Variants in IKBIP observed in about 807,000 individuals in gnomAD.
The protein encoded by IKBIP is inhibitor of nuclear factor kappa-B kinase-interacting protein.
A neutral mutation model predicts 31.0 loss-of-function variants in IKBIP; 28 were observed. The ratio of observed to expected loss-of-function variants is 0.90; its 90% CI spans 0.67 to 1.24. The LOEUF is 1.24. IKBIP is among the 50% of genes most tolerant of loss of function. The pLI, the probability that IKBIP is intolerant of heterozygous loss-of-function variation, is 0.00. For missense variants in IKBIP, 453 were observed against 441.9 expected, an observed-to-expected ratio of 1.03 and a Z score of -0.23; for synonymous variants, 164 against 160.3, an observed-to-expected ratio of 1.02 and a Z score of -0.17.
At chr12:98,614,213 A>T (rs773666287) in exon 3 of IKBIP, 10 of 1,613,788 alleles carry the variant, frequency 6.2e-6, no homozygotes. Flanking sequence ...GTTGTTCAGT[A>T]TATCCTGTTT....
intron 2 of IKBIP, among the ~76,000 whole-genome samples, chr12:98,618,352 C>T (rs1013523000): frequency 1.2e-4 from 18 of 152,086 alleles, no homozygotes; most frequent in East Asian, 3.9e-4. Context: ...TGAGGCCAGG[C>T]GCGGTGGCTC....
exon 3 of IKBIP, chr12:98,613,817 A>G (rs1489311281): frequency 8.7e-6 from 14 of 1,610,288 alleles, no homozygotes; most frequent in Non-Finnish European, 1.2e-5. Context: ...TGCAAAAGTC[A>G]CTGTCTTCAG....
intron 2 of IKBIP, among the ~76,000 whole-genome samples, chr12:98,618,580 T>A (rs1006554012): frequency 1.3e-5 from 2 of 150,900 alleles, no homozygotes; most frequent in Admixed American, 1.3e-4. Context: ...GAGCCGAGAT[T>A]GTGCCACTGC....
intron 2 of IKBIP, among the ~76,000 whole-genome samples, chr12:98,614,658 C>A (rs1327606828): frequency 6.6e-6 from 1 of 152,050 alleles, no homozygotes; most frequent in African/African-American, 2.4e-5. Flanking sequence ...ATCTCCTGAC[C>A]TCTGGTTATC....
chr12:98,624,032 T>C (rs144214357), downstream of IKBIP, among the ~76,000 whole-genome samples: 46 of 151,334 alleles, frequency 3.0e-4, 3 homozygotes, highest in African/African-American at 1.1e-3. Context: ...CTTGTAGAAG[T>C]GCAGTTTTCT....
chr12:98,624,119 A>G (rs1225381178), downstream of IKBIP: 1 of 218,292 alleles, frequency 4.6e-6, no homozygotes, highest in East Asian at 1.8e-4. Flanking sequence ...ACCATGGTAT[A>G]TATAAGTTCA....
rs756411815 is a variant in IKBIP, at chr12:98,625,068, T to A, written c.*862A>T. 141 of 899,434 alleles carry A rather than the reference T, an allele frequency of 1.6e-4. No homozygotes were observed. Among genetic ancestry groups the A allele is most frequent in the Non-Finnish European group, 1.7e-4 (130 of 751,794 alleles). 55.7% of individuals were successfully genotyped at this position (899,434 alleles called of 1,614,324 possible). ...ATCTGCCCACCTCGGCCTCCCAAAGTGCTAGGATTACAGGTGTGAGCCACT... is the reference window on the plus strand; with the variant it reads ...ATCTGCCCACCTCGGCCTCCCAAAGAGCTAGGATTACAGGTGTGAGCCACT... On this transcript the variant is annotated 3_prime_UTR_variant, in exon 3 of 3. Coordinates refer to ENST00000299157, the MANE Select transcript of IKBIP (RefSeq NM_153687.4).
chr12:98,617,711 A>T (rs1468446145), intron 2 of IKBIP, among the ~76,000 whole-genome samples: 1 of 152,224 alleles, frequency 6.6e-6, no homozygotes. Flanking sequence ...TGTGTGCTCA[A>T]TTATGAAGAA....
chr12:98,631,681 G>A (rs1460665660), intron 2 of IKBIP, among the ~76,000 whole-genome samples: 1 of 147,908 alleles, frequency 6.8e-6, no homozygotes, highest in African/African-American at 2.5e-5. Context: ...GCTGAGGCAG[G>A]AGAATCACTT....
chr12:98,628,100 T>C (rs1278199526), intron 2 of IKBIP, among the ~76,000 whole-genome samples: 3 of 152,236 alleles, frequency 2.0e-5, no homozygotes, highest in Non-Finnish European at 4.4e-5. Context: ...GAAATAATCA[T>C]TAATTTATTA....
At chr12:98,617,513 G>A (rs9668110) in intron 2 of IKBIP, among the ~76,000 whole-genome samples, 47,857 of 152,008 alleles carry the variant, frequency 0.31, 8,057 homozygotes, top group African/African-American at 0.45. Context: ...GTATTTTATC[G>A]AACTTTAAAT....
Position 98,625,244 on chromosome 12 carries a change from C to G in IKBIP, c.*686G>C. 1 of 977,982 alleles carries G rather than the reference C, an allele frequency of 1.0e-6. No individual in the cohort carries two copies. The highest frequency in any genetic ancestry group is 1.2e-6 in the Non-Finnish European group (1 of 823,122). 60.6% of individuals were successfully genotyped at this position (977,982 alleles called of 1,614,324 possible). ...AAGAAAGGCCTTATGTAAGAACATA[C>G]TTACTCTGATTTTAAAAGTCTTACA... On this transcript the variant is annotated 3_prime_UTR_variant, in exon 3 of 3. Coordinates refer to ENST00000299157, the MANE Select transcript of IKBIP (RefSeq NM_153687.4).
rs1020463554 is a variant in IKBIP, at chr12:98,624,412, T to C, written c.*1518A>G. 1.0e-5 allele frequency: 10 copies of C among 985,308 alleles called. No individual in the cohort carries two copies. The highest frequency in any genetic ancestry group is 1.1e-5 in the Non-Finnish European group (9 of 829,898). 61.0% of individuals were successfully genotyped at this position (985,308 alleles called of 1,614,324 possible). A position where few individuals can be genotyped will look rare whatever the true frequency, so the allele number is the denominator to read the frequency against. On this transcript the variant is annotated 3_prime_UTR_variant, in exon 3 of 3. Coordinates refer to ENST00000299157, the MANE Select transcript of IKBIP (RefSeq NM_153687.4). The stretch of plus-strand genomic sequence containing the variant: ...ACAGAACTCTCCAGGCTTATTTTCA[T>C]GATTCACGCTGTCTACCACAGGCCC...
intron 2 of IKBIP, among the ~76,000 whole-genome samples, chr12:98,629,134 A>C (rs554998921): frequency 2.0e-5 from 3 of 152,200 alleles, no homozygotes; most frequent in Non-Finnish European, 2.9e-5. Flanking sequence ...AGTACAAAGA[A>C]TATGTTTGTT....
At chr12:98,630,911 G>A (rs753258027) in intron 2 of IKBIP, among the ~76,000 whole-genome samples, 1 of 147,500 alleles carries the variant, frequency 6.8e-6, no homozygotes, top group Non-Finnish European at 1.5e-5. Flanking sequence ...GCTACGAAAA[G>A]ACTGAATATT....
chr12:98,614,414 T>C (rs1429938277), intron 2 of IKBIP: 2 of 819,238 alleles, frequency 2.4e-6, no homozygotes, highest in African/African-American at 1.8e-5. Context: ...TTAAATTTTA[T>C]ATTTCTTTTT....
In IKBIP at chr12:98,644,573, G is replaced by A; in HGVS notation, c.129C>T (p.Pro43=). ...GCGACAGCAGGCTCAGGCACGTTCG[G>A]GGGTCTGCCCAGCCCCCGCCTCCGC... ...RSSGGGGWAD[P]RTCLSLLSLG... is the part of the protein sequence containing the mutation. Residue 43 remains proline, a synonymous_variant, in exon 1 of 3, where the codon CCC becomes CCT. Transcript: ENST00000299157. 6.2e-7 allele frequency: 1 copy of A among 1,609,184 alleles called. No homozygotes were observed. Among genetic ancestry groups the A allele is most frequent in the East Asian group, 2.2e-5 (1 of 44,718 alleles).
chr12:98,631,740 TCCAG>T (rs527411737), intron 2 of IKBIP, among the ~76,000 whole-genome samples: 324 of 136,112 alleles, frequency 2.4e-3, no homozygotes, highest in African/African-American at 8.3e-3. Flanking sequence ...GCCATTGTAC[TCCAG>T]CCTGGATGAG....
chr12:98,642,390 T>C (rs1001662673), intron 1 of IKBIP, among the ~76,000 whole-genome samples: 2 of 152,098 alleles, frequency 1.3e-5, no homozygotes, highest in Non-Finnish European at 2.9e-5. Context: ...CCTCAAGTGA[T>C]TCGCCTGCCT....
Sources: gnomAD v4.1 joint callset for allele counts (sites outside exome capture counted in the v4.1 genomes callset) on GRCh38, gnomAD v4.1.1 for gene constraint, MANE v1.5 for transcripts, NCBI Gene and HGNC (gene_info 2026-07-23, HGNC 2026-07-21) for gene names.